The following OSTN variants were observed in gnomAD, a reference collection of about 807,000 sequenced individuals.
OSTN encodes the protein osteocrin.
A neutral mutation model predicts 12.0 loss-of-function variants in OSTN; 9 were observed. The ratio of observed to expected loss-of-function variants is 0.75; its 90% CI spans 0.45 to 1.30. OSTN has a LOEUF of 1.30. OSTN is among the 50% of genes most tolerant of loss of function. OSTN has a pLI of 0.00. For synonymous variants in OSTN, 59 were observed against 56.9 expected (o/e 1.04, Z -0.16); for missense variants, 148 against 152.3 (o/e 0.97, Z 0.15).
intron 1 of OSTN, among the ~76,000 whole-genome samples, chr3:191,211,273 G>A (rs992692891): frequency 6.7e-6 from 1 of 149,352 alleles, no homozygotes; most frequent in Admixed American, 6.6e-5. Context: ...CCACAAAACT[G>A]TTTTTTTGAA....
At chr3:191,226,197 AG>A (rs1199649122) in intron 3 of OSTN, among the ~76,000 whole-genome samples, 1 of 152,086 alleles carries the variant, frequency 6.6e-6, no homozygotes, top group African/African-American at 2.4e-5. Flanking sequence ...ATCTTGACCA[AG>A]GGGGGTTTAT....
chr3:191,232,906 C>T (rs115161498), intron 3 of OSTN, among the ~76,000 whole-genome samples: 1 of 152,046 alleles, frequency 6.6e-6, no homozygotes, highest in African/African-American at 2.4e-5. Flanking sequence ...TGAGCCACTG[C>T]GTTCGGTCAT....
At chr3:191,209,400 G>A (rs1714363285) in intron 1 of OSTN, among the ~76,000 whole-genome samples, 1 of 152,138 alleles carries the variant, frequency 6.6e-6, no homozygotes, top group Non-Finnish European at 1.5e-5. Flanking sequence ...ACATAGTCAT[G>A]ATTTACTGGT....
At chr3:191,249,186 C>T (rs1715504202) in intron 3 of OSTN, among the ~76,000 whole-genome samples, 1 of 152,168 alleles carries the variant, frequency 6.6e-6, no homozygotes, top group Admixed American at 6.5e-5. Flanking sequence ...CTTAGACTCT[C>T]CCTGCTGTCT....
chr3:191,261,067 A>G (rs1032637444), intron 4 of OSTN, among the ~76,000 whole-genome samples: 1 of 151,856 alleles, frequency 6.6e-6, no homozygotes, highest in African/African-American at 2.4e-5. Context: ...AGAAATTCTT[A>G]CTCTTTTTGC....
intron 3 of OSTN, among the ~76,000 whole-genome samples, chr3:191,246,341 C>T (rs536226532): frequency 7.8e-4 from 119 of 151,738 alleles, no homozygotes; most frequent in Non-Finnish European, 1.6e-3. Context: ...TGTGGTGGCT[C>T]ACGCCAGTAA....
chr3:191,199,245 C>T lies in OSTN; in HGVS notation c.-63C>T, dbSNP rs1215272697. On this transcript the variant is annotated 5_prime_UTR_variant, in exon 1 of 5. Coordinates refer to ENST00000682035, the MANE Select transcript of OSTN (RefSeq NM_198184.2). ...TCAGAGAGAAAACTCACCACCAGGG[C>T]TGAGTTTTGGAGAAACTGCAGAGAC... 2.0e-5 allele frequency: 3 copies of T among 152,032 alleles called. 1 individual carries two copies. The highest frequency in any genetic ancestry group is 1.3e-4 in the Admixed American group (2 of 15,254). The allele number at this position is 152,032 out of a possible 1,614,324, so 9.4% of individuals were successfully genotyped here. A position where few individuals can be genotyped will look rare whatever the true frequency, so the allele number is the denominator to read the frequency against.
At position 191,265,341 on chromosome 3, in the gene OSTN, TAATCA is replaced by T. The variant is rs1282948440; in HGVS notation, c.*2492_*2496del. ...GTTCTGGGTTCTAGTGTCAATTACA[TAATCA>T]AATTTCATAAAAGGATGTTAGTTAC... On this transcript the variant is annotated 3_prime_UTR_variant, in exon 5 of 5. Coordinates refer to ENST00000682035, the MANE Select transcript of OSTN (RefSeq NM_198184.2). 1.3e-5 allele frequency: 2 copies of T among 152,200 alleles called. No individual in the cohort carries two copies. Among genetic ancestry groups the T allele is most frequent in the African/African-American group, 2.4e-5 (1 of 41,450 alleles). The allele number at this position is 152,200 out of a possible 1,614,324, so 9.4% of individuals were successfully genotyped here. A position where few individuals can be genotyped will look rare whatever the true frequency, so the allele number is the denominator to read the frequency against.
At chr3:191,249,900 G>T (rs575960197) in intron 3 of OSTN, 137 bp from the exon 4 acceptor site, 1 of 628,362 alleles carries the variant, frequency 1.6e-6, no homozygotes, top group Non-Finnish European at 2.9e-6. Context: ...GGCACATAGT[G>T]AGTACTGGTG....
rs185891249 is a variant in OSTN, at chr3:191,207,122, A to T, written c.1-5411A>T. On this transcript the variant is annotated intron_variant, in intron 1 of 4. Coordinates refer to ENST00000682035, the MANE Select transcript of OSTN (RefSeq NM_198184.2). ...CTCTGTCGCGGTGAGAAGAGAAAGT[A>T]AAGAAAATGTAGCCGTTGAATTAGT... Among the ~76,000 whole-genome samples, 3 of 152,334 alleles carry T rather than the reference A, an allele frequency of 2.0e-5. No homozygotes were observed. In the East Asian group the frequency reaches 5.8e-4, roughly 29 times the overall value.
chr3:191,223,547 C>G (rs974100854), intron 3 of OSTN, among the ~76,000 whole-genome samples: 2 of 152,108 alleles, frequency 1.3e-5, no homozygotes, highest in Admixed American at 1.3e-4. Context: ...GATTGCTTCA[C>G]GGCTATTAAC....
At position 191,218,968 on chromosome 3, in the gene OSTN, G is replaced by T. The variant is rs751040629; in HGVS notation, c.317+7G>T. The T allele has an allele frequency of 3.1e-6, 5 of 1,591,008 alleles. No homozygotes were observed. The highest frequency in any genetic ancestry group is 4.3e-6 in the Non-Finnish European group (5 of 1,171,336). ...ATCACAAAGGTAAACAGAGGTAAGT[G>T]AACTCAGAAAAAGAAAGTTTTTATT... On this transcript the variant is annotated splice_region_variant and intron_variant, in intron 3 of 4. Coordinates refer to ENST00000682035, the MANE Select transcript of OSTN (RefSeq NM_198184.2).
chr3:191,209,497 G>C (rs192779746), intron 1 of OSTN, among the ~76,000 whole-genome samples: 1 of 152,196 alleles, frequency 6.6e-6, no homozygotes, highest in African/African-American at 2.4e-5. Flanking sequence ...TTCTAGAAAA[G>C]AACGGAATAT....
intron 3 of OSTN, among the ~76,000 whole-genome samples, chr3:191,238,696 C>T (rs1715256655): frequency 6.6e-6 from 1 of 152,088 alleles, no homozygotes; most frequent in Non-Finnish European, 1.5e-5. Context: ...TTAAATGCTG[C>T]CTTCTTACAC....
chr3:191,219,076 T>G lies in OSTN; in HGVS notation c.317+115T>G, dbSNP rs1470321028. 4.3e-6 allele frequency: 4 copies of G among 924,940 alleles called. No individual in the cohort carries two copies. The African/African-American group carries it at 6.7e-5, about 16-fold the overall frequency. 57.3% of individuals were successfully genotyped at this position (924,940 alleles called of 1,614,324 possible). On this transcript the variant is annotated intron_variant, in intron 3 of 4. Transcript: ENST00000682035. ...TGAAAACCTTGTATATATAAACAGA[T>G]TTGACGGTATGTTAGCTAATCTGTA...
intron 3 of OSTN, among the ~76,000 whole-genome samples, chr3:191,247,644 A>G (rs759988041): frequency 1.1e-4 from 17 of 152,358 alleles, no homozygotes; most frequent in Admixed American, 2.6e-4. Flanking sequence ...ACACCGTATC[A>G]GGTTCCATGT....
intron 1 of OSTN, among the ~76,000 whole-genome samples, chr3:191,211,022 CAT>C (rs1375511262): frequency 7.9e-5 from 12 of 152,176 alleles, no homozygotes; most frequent in East Asian, 1.9e-4. Context: ...CCAGAATTAA[CAT>C]GTGTAAGATT....
intron 4 of OSTN, among the ~76,000 whole-genome samples, chr3:191,262,339 T>G (rs1007822001): frequency 3.3e-5 from 5 of 152,256 alleles, no homozygotes; most frequent in African/African-American, 1.2e-4. Flanking sequence ...TTATTTTAGA[T>G]TTATATTGAC....
intron 4 of OSTN, among the ~76,000 whole-genome samples, chr3:191,252,195 G>A (rs1401028166): frequency 6.6e-6 from 1 of 152,160 alleles, no homozygotes; most frequent in Non-Finnish European, 1.5e-5. Flanking sequence ...AAGCATCTGG[G>A]ACTACAGGCG....
Sources: gnomAD v4.1 joint callset for allele counts (sites outside exome capture counted in the v4.1 genomes callset) on GRCh38, gnomAD v4.1.1 for gene constraint, MANE v1.5 for transcripts, NCBI Gene and HGNC (gene_info 2026-07-23, HGNC 2026-07-21) for gene names.